The following BST1 variants were observed in gnomAD, a reference collection of about 807,000 sequenced individuals.
The protein encoded by BST1 is ADP-ribosyl cyclase/cyclic ADP-ribose hydrolase 2.
BST1 carries 49 observed loss-of-function variants against 40.6 expected under a neutral mutation model. That is an observed-to-expected ratio of 1.21 (90% CI 0.96 to 1.53). The LOEUF is 1.53. Ranked by LOEUF, BST1 falls within the 40% of genes most tolerant of loss-of-function variation. The probability of loss-of-function intolerance (pLI) is 0.00; values close to 1 mark genes in which losing one functional copy is unlikely to be tolerated. For synonymous variants in BST1, 157 were observed against 159.3 expected, an observed-to-expected ratio of 0.99 and a Z score of 0.11; for missense variants, 423 against 395.9, an observed-to-expected ratio of 1.07 and a Z score of -0.58.
rs181140319 is a variant in BST1 at position 15,729,126 on chromosome 4, A to T, written c.852-2614A>T. ...TTTAAAGTCATTTAAAATATTTTTT[A>T]AAAAAGATGTAATATTTTAATATTT... On this transcript the variant is annotated intron_variant, in intron 8 of 8. Coordinates refer to ENST00000265016, the MANE Select transcript of BST1 (RefSeq NM_004334.3). Among the ~76,000 whole-genome samples, 667 of 152,306 alleles carry T rather than the reference A, an allele frequency of 4.4e-3. 3 individuals are homozygous for T. The highest frequency in any genetic ancestry group is 0.014 in the African/African-American group (596 of 41,564).
At chr4:15,705,046 G>C in intron 1 of BST1, 1 of 715,746 alleles carries the variant, frequency 1.4e-6, no homozygotes, top group South Asian at 1.5e-5. Flanking sequence ...TGCACTGGAG[G>C]GTGCACCTGC....
chr4:15,740,355 C>G (rs1418365213), downstream of BST1, among the ~76,000 whole-genome samples: 1 of 152,164 alleles, frequency 6.6e-6, no homozygotes, highest in Non-Finnish European at 1.5e-5. Flanking sequence ...CCATGTCGGG[C>G]CTAAATTAGT....
At chr4:15,745,445 T>A in the BST1 span, among the ~76,000 whole-genome samples, 1 of 152,236 alleles carries the variant, frequency 6.6e-6, no homozygotes, top group African/African-American at 2.4e-5. Flanking sequence ...ACAAAGTGTT[T>A]CACGTTTTCA....
the BST1 span, among the ~76,000 whole-genome samples, chr4:15,749,933 T>C: frequency 6.7e-6 from 1 of 148,618 alleles, no homozygotes; most frequent in African/African-American, 2.5e-5. Context: ...ATTCATTCTT[T>C]TCTTTTTTTT....
intron 4 of BST1, 100 bp from the exon 5 acceptor site, chr4:15,715,185 C>T: frequency 9.4e-7 from 1 of 1,067,096 alleles, no homozygotes; most frequent in South Asian, 1.4e-5. Flanking sequence ...TTATCATATC[C>T]TTGCCATTAT....
intron 4 of BST1, 108 bp from the exon 5 acceptor site, chr4:15,715,177 A>G: frequency 4.0e-6 from 4 of 1,010,324 alleles, no homozygotes; most frequent in East Asian, 2.6e-5. Flanking sequence ...TGCCACATTT[A>G]TCATATCCTT....
At chr4:15,705,073 G>A (rs1719802083) in intron 1 of BST1, 1 of 699,276 alleles carries the variant, frequency 1.4e-6, no homozygotes, top group Non-Finnish European at 2.6e-6. Flanking sequence ...AGAGGTGGAA[G>A]CCTTTTGCAG....
chr4:15,751,608 C>A, the BST1 span, among the ~76,000 whole-genome samples: 1 of 151,764 alleles, frequency 6.6e-6, no homozygotes, highest in African/African-American at 2.4e-5. Context: ...TAGATATACA[C>A]TATATCTATG....
the BST1 span, among the ~76,000 whole-genome samples, chr4:15,756,983 T>G: frequency 2.6e-5 from 4 of 152,244 alleles, no homozygotes; most frequent in African/African-American, 4.8e-5. Flanking sequence ...TATTGTAAAT[T>G]GAAAGTTAAG....
intron 3 of BST1, among the ~76,000 whole-genome samples, chr4:15,707,864 T>TATATATATATATATACAC (rs1719976325): frequency 2.1e-5 from 3 of 145,110 alleles, no homozygotes; most frequent in Non-Finnish European, 3.0e-5. Flanking sequence ...TCTATATATA[T>TATATATATATATATACAC]ATATATATAT....
At chr4:15,745,183 T>G in the BST1 span, among the ~76,000 whole-genome samples, 8 of 152,154 alleles carry the variant, frequency 5.3e-5, no homozygotes, top group Non-Finnish European at 1.2e-4. Context: ...TAGAGAAATC[T>G]CATAATAAAT....
the BST1 span, among the ~76,000 whole-genome samples, chr4:15,768,649 G>A: frequency 5.9e-5 from 9 of 151,868 alleles, no homozygotes; most frequent in East Asian, 9.7e-4. Flanking sequence ...GCCCGCCACC[G>A]CGCCCGGCTA....
chr4:15,723,372 G>A (rs1178889504), intron 8 of BST1: 10 of 167,552 alleles, frequency 6.0e-5, no homozygotes, highest in East Asian at 1.9e-4. Flanking sequence ...TCAGCCTCCC[G>A]AGTAGCTGGG....
chr4:15,733,128 C>T (rs189816834), downstream of BST1, among the ~76,000 whole-genome samples: 4 of 152,334 alleles, frequency 2.6e-5, no homozygotes, highest in Non-Finnish European at 4.4e-5. Flanking sequence ...CCACTGCTGG[C>T]TCGGTGGCCA....
chr4:15,743,767 C>G, the BST1 span, among the ~76,000 whole-genome samples: 1 of 152,204 alleles, frequency 6.6e-6, no homozygotes, highest in African/African-American at 2.4e-5. Context: ...GCTTTGCCTC[C>G]CCTGCTCAGG....
chr4:15,771,128 G>T, the BST1 span, among the ~76,000 whole-genome samples: 1 of 152,142 alleles, frequency 6.6e-6, no homozygotes, highest in African/African-American at 2.4e-5. Context: ...TCAAGCCTCA[G>T]TGCAGTGTAA....
chr4:15,762,699 T>G, the BST1 span, among the ~76,000 whole-genome samples: 2 of 151,994 alleles, frequency 1.3e-5, no homozygotes, highest in Non-Finnish European at 2.9e-5. Context: ...TTTTGACCAT[T>G]TCTCCATTTC....
rs1335420855 is a variant in BST1 at position 15,731,907 on chromosome 4, C to T, written c.*62C>T. ...GCAGCCTCCCCTTGCAGTCATCATT[C>T]GTGTTCTGTGTATACCAAATGATTC... is the stretch of plus-strand genomic sequence containing the variant. On this transcript the variant is annotated 3_prime_UTR_variant, in exon 9 of 9. Coordinates refer to ENST00000265016, the MANE Select transcript of BST1 (RefSeq NM_004334.3). The T allele has an allele frequency of 6.4e-7, 1 of 1,561,990 alleles. No individual in the cohort carries two copies. The highest frequency in any genetic ancestry group is 8.7e-7 in the Non-Finnish European group (1 of 1,152,960).
In BST1 at chr4:15,719,077, C is replaced by T. The variant is rs184195255; in HGVS notation, c.791+84C>T. 24 of 1,176,782 alleles carry T rather than the reference C, an allele frequency of 2.0e-5. No individual in the cohort carries two copies. In the Admixed American group the frequency reaches 5.0e-4, roughly 24 times the overall value. The allele number at this position is 1,176,782 out of a possible 1,614,324, so 72.9% of individuals were successfully genotyped here. A position where few individuals can be genotyped will look rare whatever the true frequency, so the allele number is the denominator to read the frequency against. On this transcript the variant is annotated intron_variant, in intron 7 of 8. Transcript: ENST00000265016. Reference sequence around the variant, plus strand: ...TGGGCTGCCGAAAGGGTATTGATGGCTCTCAGCTCTGAAGGCCATGGTGTC... The same window carrying T: ...TGGGCTGCCGAAAGGGTATTGATGGTTCTCAGCTCTGAAGGCCATGGTGTC...
Sources: gnomAD v4.1 joint callset for allele counts (sites outside exome capture counted in the v4.1 genomes callset) on GRCh38, gnomAD v4.1.1 for gene constraint, MANE v1.5 for transcripts, NCBI Gene and HGNC (gene_info 2026-07-23, HGNC 2026-07-21) for gene names.